Variants in SH2D4A observed in about 807,000 individuals in gnomAD.
The protein encoded by SH2D4A is SH2 domain-containing protein 4A.
A neutral mutation model predicts 64.7 loss-of-function variants in SH2D4A; 70 were observed. That is an observed-to-expected ratio of 1.08 (90% confidence interval 0.89 to 1.32). SH2D4A has a LOEUF of 1.32. SH2D4A is among the 40% of genes most tolerant of loss of function. SH2D4A has a pLI of 0.00. For missense variants in SH2D4A, 706 were observed against 540.1 expected, an observed-to-expected ratio of 1.31 and a Z score of -3.04; for synonymous variants, 268 against 200.7, an observed-to-expected ratio of 1.34 and a Z score of -2.83.
chr8:19,327,283 C>G (rs114095463), intron 2 of SH2D4A, among the ~76,000 whole-genome samples: 1 of 152,124 alleles, frequency 6.6e-6, no homozygotes, highest in African/African-American at 2.4e-5. Flanking sequence ...TGTAATTAAA[C>G]GAAGTGCTAT....
chr8:19,388,301 G>A (rs879943351), intron 8 of SH2D4A, among the ~76,000 whole-genome samples: 1 of 152,190 alleles, frequency 6.6e-6, no homozygotes, highest in African/African-American at 2.4e-5. Flanking sequence ...AAATACAGAT[G>A]ACGATAATAT....
At chr8:19,323,968 A>T (rs982411761) in intron 2 of SH2D4A, among the ~76,000 whole-genome samples, 3 of 152,196 alleles carry the variant, frequency 2.0e-5, no homozygotes, top group Admixed American at 2.0e-4. Flanking sequence ...CCTGGGTCTC[A>T]TTCTCCCAAA....
At chr8:19,363,861 C>G (rs2153648641) in intron 6 of SH2D4A, 1 of 577,502 alleles carries the variant, frequency 1.7e-6, no homozygotes, top group Non-Finnish European at 3.1e-6. Flanking sequence ...CAGAAAACCC[C>G]CAGTCCTGTA....
At chr8:19,390,406 TATCTAAC>T (rs2053471732) in intron 8 of SH2D4A, among the ~76,000 whole-genome samples, 1 of 152,126 alleles carries the variant, frequency 6.6e-6, no homozygotes. Context: ...CAGTAATCAA[TATCTAAC>T]ATTAGATTTT....
intron 4 of SH2D4A, among the ~76,000 whole-genome samples, chr8:19,356,889 TGTTGATGGCTG>T (rs1409535907): frequency 2.6e-5 from 4 of 152,222 alleles, no homozygotes; most frequent in African/African-American, 9.6e-5. Context: ...TAGGGGGTAA[TGTTGATGGCTG>T]GAAGTTATCC....
At chr8:19,350,999 T>G (rs571633027) in intron 4 of SH2D4A, among the ~76,000 whole-genome samples, 1 of 152,282 alleles carries the variant, frequency 6.6e-6, no homozygotes, top group East Asian at 1.9e-4. Flanking sequence ...GCAATAAAAT[T>G]TACTGTCCCG....
chr8:19,350,273 C>T (rs931317785), intron 4 of SH2D4A, among the ~76,000 whole-genome samples: 13 of 152,148 alleles, frequency 8.5e-5, no homozygotes, highest in African/African-American at 3.1e-4. Flanking sequence ...ATGCTTTGCC[C>T]AAGCAACCTG....
Position 19,333,095 on chromosome 8 carries a change from C to T in SH2D4A, c.322C>T (p.Gln108Ter), listed in dbSNP as rs779657651. 3 of 1,612,800 alleles carry T rather than the reference C, an allele frequency of 1.9e-6. No individual in the cohort carries two copies. The highest frequency in any genetic ancestry group is 2.5e-6 in the Non-Finnish European group (3 of 1,179,742). Residue 108 changes from glutamine (Q) to a stop codon, truncating the protein, a stop_gained, in exon 3 of 10, where the codon CAG becomes TAG. Coordinates refer to ENST00000265807, the MANE Select transcript of SH2D4A (RefSeq NM_022071.4). LOFTEE classifies it high-confidence loss of function. Reference sequence around the variant, plus strand: ...TGAGAGGGCCCGGCTGAAAGCAGAACAGGAGGCAGAAGAGCCCAGGTATGA... The same window carrying T: ...TGAGAGGGCCCGGCTGAAAGCAGAATAGGAGGCAGAAGAGCCCAGGTATGA... ...IAERARLKAEQEAEEPRKTHS... is the reference protein window; with the variant it reads ...IAERARLKAE
intron 7 of SH2D4A, among the ~76,000 whole-genome samples, chr8:19,366,695 G>A (rs1173071820): frequency 6.6e-6 from 1 of 152,142 alleles, no homozygotes; most frequent in Non-Finnish European, 1.5e-5. Context: ...TGGAGGCTGA[G>A]GCAGGAGAAT....
intron 7 of SH2D4A, among the ~76,000 whole-genome samples, chr8:19,364,825 C>G (rs1218736939): frequency 6.6e-6 from 1 of 152,126 alleles, no homozygotes; most frequent in Admixed American, 6.5e-5. Context: ...TGGAAAGCCT[C>G]CTTTTTTAGA....
chr8:19,355,004 T>G (rs1585174654), intron 4 of SH2D4A, among the ~76,000 whole-genome samples: 1 of 152,198 alleles, frequency 6.6e-6, no homozygotes, highest in Admixed American at 6.5e-5. Context: ...TGTTCTATTT[T>G]AGATGTAGAG....
intron 4 of SH2D4A, among the ~76,000 whole-genome samples, chr8:19,337,732 C>A (rs1338701224): frequency 5.9e-5 from 9 of 152,122 alleles, no homozygotes; most frequent in Non-Finnish European, 1.5e-5. Context: ...AGGGAAATTC[C>A]CATTTATAAA....
chr8:19,341,640 C>T (rs1294920958), intron 4 of SH2D4A, among the ~76,000 whole-genome samples: 3 of 152,022 alleles, frequency 2.0e-5, no homozygotes, highest in Admixed American at 2.0e-4. Context: ...GCCAGGAGTT[C>T]AACACCAGTC....
chr8:19,321,577 T>G lies in SH2D4A; in HGVS notation c.181+1849T>G, dbSNP rs543901593. ...TACCACCAATAGATGCCCAGTTCTG[T>G]TGGATTTTACATTATTCTGCACTAT... On this transcript the variant is annotated intron_variant, in intron 2 of 9. Coordinates refer to ENST00000265807, the MANE Select transcript of SH2D4A (RefSeq NM_022071.4). Among the ~76,000 whole-genome samples the G allele has an allele frequency of 4.6e-5, 7 of 152,334 alleles. No homozygotes were observed. In the South Asian group the frequency reaches 8.3e-4, roughly 18 times the overall value.
intron 1 of SH2D4A, among the ~76,000 whole-genome samples, chr8:19,314,910 T>TAAATAAGA (rs1430692118): frequency 6.6e-6 from 1 of 152,198 alleles, no homozygotes; most frequent in Non-Finnish European, 1.5e-5. Flanking sequence ...ATGAATAAGA[T>TAAATAAGA]AAAGTTTCAA....
At chr8:19,394,351 C>A (rs1344904987) in intron 9 of SH2D4A, among the ~76,000 whole-genome samples, 199 bp from the exon 10 acceptor site, 1 of 152,084 alleles carries the variant, frequency 6.6e-6, no homozygotes, top group Non-Finnish European at 1.5e-5. Flanking sequence ...AATTCATAGG[C>A]CTTAAGTTAG....
chr8:19,356,065 G>A (rs2052786815), intron 4 of SH2D4A, among the ~76,000 whole-genome samples: 1 of 152,204 alleles, frequency 6.6e-6, no homozygotes, highest in Non-Finnish European at 1.5e-5. Flanking sequence ...ATCTTTGGTA[G>A]TAGCACTGCT....
chr8:19,336,452 G>T (rs2052447353), intron 4 of SH2D4A, among the ~76,000 whole-genome samples: 2 of 152,204 alleles, frequency 1.3e-5, no homozygotes, highest in South Asian at 4.1e-4. Context: ...CCCCAGGTGT[G>T]CTTTGCACTC....
At chr8:19,379,074 T>TA (rs56937745) in intron 8 of SH2D4A, among the ~76,000 whole-genome samples, 64,764 of 133,372 alleles carry the variant, frequency 0.49, 15,823 homozygotes, top group African/African-American at 0.59. Context: ...GACCCTGCCT[T>TA]AAAAAAAAAA....
Sources: allele counts gnomAD v4.1 joint callset (sites outside exome capture counted in the v4.1 genomes callset), GRCh38; gene constraint gnomAD v4.1.1; transcripts MANE v1.5; gene names NCBI Gene and HGNC (gene_info 2026-07-23, HGNC 2026-07-21).